TUSC3: variants seen among roughly 807,000 people sequenced by gnomAD.
TUSC3 encodes the protein dolichyl-diphosphooligosaccharide--protein glycosyltransferase subunit TUSC3.
A neutral mutation model predicts 44.8 loss-of-function variants in TUSC3; 45 were observed. The observed-to-expected ratio is 1.00, with a 90% CI of 0.79 to 1.29. TUSC3 has a LOEUF of 1.29. Among genes scored for constraint, TUSC3 ranks in the 50% most tolerant of loss-of-function variants. The pLI, the probability that TUSC3 is intolerant of heterozygous loss-of-function variation, is 0.00. For synonymous variants in TUSC3, 212 were observed against 152.9 expected, an observed-to-expected ratio of 1.39 and a Z score of -2.85; for missense variants, 519 against 437.9, an observed-to-expected ratio of 1.19 and a Z score of -1.65.
the TUSC3 span, among the ~76,000 whole-genome samples, chr8:15,839,697 G>C: frequency 1.4e-4 from 21 of 152,192 alleles, no homozygotes; most frequent in African/African-American, 4.8e-4. Flanking sequence ...ACACCAGTTA[G>C]AATGGTGATC....
chr8:15,615,959 G>A (rs1341429898), intron 1 of TUSC3, among the ~76,000 whole-genome samples: 2 of 152,174 alleles, frequency 1.3e-5, no homozygotes, highest in African/African-American at 4.8e-5. Flanking sequence ...AGCCTCTTGA[G>A]TAGCTAGGAC....
intron 2 of TUSC3, among the ~76,000 whole-genome samples, chr8:15,505,115 A>T (rs1801035539): frequency 6.6e-6 from 1 of 152,160 alleles, no homozygotes; most frequent in Non-Finnish European, 1.5e-5. Flanking sequence ...ATTGCCCTCC[A>T]TCCGCCACTT....
At chr8:15,631,510 C>G (rs1805762548) in intron 2 of TUSC3, among the ~76,000 whole-genome samples, 1 of 152,102 alleles carries the variant, frequency 6.6e-6, no homozygotes, top group South Asian at 2.1e-4. Flanking sequence ...TACCAAAATT[C>G]ACTAATTAGT....
intron 2 of TUSC3, among the ~76,000 whole-genome samples, chr8:15,642,667 T>G (rs2129172292): frequency 6.6e-6 from 1 of 152,276 alleles, no homozygotes; most frequent in African/African-American, 2.4e-5. Context: ...CTTTCCTCAT[T>G]TTGACTTCTC....
chr8:15,496,603 C>A (rs568354824), intron 2 of TUSC3, among the ~76,000 whole-genome samples: 2 of 152,098 alleles, frequency 1.3e-5, no homozygotes, highest in African/African-American at 4.8e-5. Flanking sequence ...TCCAGCTGGG[C>A]TATTCTGTGC....
At chr8:15,456,841 A>T (rs751757648) in intron 1 of TUSC3, among the ~76,000 whole-genome samples, 7 of 152,162 alleles carry the variant, frequency 4.6e-5, no homozygotes, top group Non-Finnish European at 1.0e-4. Flanking sequence ...ATTTTGTTGT[A>T]TATAGTTCAG....
chr8:15,739,370 T>G (rs1441614414), intron 7 of TUSC3, among the ~76,000 whole-genome samples: 1 of 152,172 alleles, frequency 6.6e-6, no homozygotes, highest in Non-Finnish European at 1.5e-5. Flanking sequence ...GCACATATAA[T>G]TAATGATAAT....
intron 1 of TUSC3, among the ~76,000 whole-genome samples, chr8:15,605,084 T>C (rs1804464299): frequency 1.3e-5 from 2 of 151,890 alleles, no homozygotes; most frequent in South Asian, 2.1e-4. Context: ...GTAGTGACTG[T>C]GGAAGTTAGA....
chr8:15,729,865 A>G (rs182990436), intron 6 of TUSC3, among the ~76,000 whole-genome samples: 1 of 152,224 alleles, frequency 6.6e-6, no homozygotes, highest in African/African-American at 2.4e-5. Context: ...AAGTTTGAAG[A>G]CGAGAAAAAA....
the TUSC3 span, chr8:15,806,840 A>C: frequency 3.1e-6 from 3 of 958,266 alleles, no homozygotes; most frequent in African/African-American, 4.8e-5. Flanking sequence ...TACAAAGTAA[A>C]CGTCTAGAGT....
chr8:15,782,133 T>C, the TUSC3 span, among the ~76,000 whole-genome samples: 3 of 151,954 alleles, frequency 2.0e-5, no homozygotes, highest in Non-Finnish European at 4.4e-5. Flanking sequence ...AGGCTCCATC[T>C]CAAAAAAAGA....
At chr8:15,630,257 G>A (rs1309586818) in intron 2 of TUSC3, among the ~76,000 whole-genome samples, 1 of 152,132 alleles carries the variant, frequency 6.6e-6, no homozygotes, top group African/African-American at 2.4e-5. Flanking sequence ...TTTTGGTGAT[G>A]TGTTGGAGAT....
chr8:15,745,254 G>C (rs1288417835), intron 8 of TUSC3, among the ~76,000 whole-genome samples: 1 of 152,074 alleles, frequency 6.6e-6, no homozygotes, highest in Non-Finnish European at 1.5e-5. Context: ...GATGTGCATA[G>C]GGCTGTAGTA....
At chr8:15,577,322 T>A (rs1335830230) in intron 1 of TUSC3, among the ~76,000 whole-genome samples, 1 of 151,822 alleles carries the variant, frequency 6.6e-6, no homozygotes, top group Non-Finnish European at 1.5e-5. Flanking sequence ...TTTAATGAGA[T>A]CCCATTTGTC....
chr8:15,762,189 G>A (rs1428842979), intron 10 of TUSC3, among the ~76,000 whole-genome samples: 1 of 151,870 alleles, frequency 6.6e-6, no homozygotes, highest in Non-Finnish European at 1.5e-5. Flanking sequence ...TGTTTCCAGT[G>A]TCTTGAACAA....
the TUSC3 span, among the ~76,000 whole-genome samples, chr8:15,843,481 G>A: frequency 7.9e-5 from 12 of 151,840 alleles, no homozygotes; most frequent in Non-Finnish European, 1.8e-4. Context: ...AGCAATGGGT[G>A]TCTCAGATTC....
At chr8:15,641,706 C>T (rs922688134) in intron 2 of TUSC3, among the ~76,000 whole-genome samples, 3 of 152,314 alleles carry the variant, frequency 2.0e-5, no homozygotes, top group Admixed American at 6.5e-5. Context: ...CAAGTTTATA[C>T]ATTACAAAGT....
At chr8:15,630,721 C>T (rs1805721871) in intron 2 of TUSC3, among the ~76,000 whole-genome samples, 1 of 152,134 alleles carries the variant, frequency 6.6e-6, no homozygotes, top group Non-Finnish European at 1.5e-5. Context: ...TGTCTTAGGG[C>T]AGTGATCTCT....
intron 1 of TUSC3, among the ~76,000 whole-genome samples, chr8:15,582,912 C>G (rs1803433602): frequency 6.6e-6 from 1 of 152,190 alleles, no homozygotes; most frequent in Non-Finnish European, 1.5e-5. Context: ...TTCAGACATA[C>G]TGAAGACCAC....
Sources: gnomAD v4.1 joint callset for allele counts (sites outside exome capture counted in the v4.1 genomes callset) on GRCh38, gnomAD v4.1.1 for gene constraint, MANE v1.5 for transcripts, NCBI Gene and HGNC (gene_info 2026-07-23, HGNC 2026-07-21) for gene names.